TRMT11: variants seen among roughly 807,000 people sequenced by gnomAD.
TRMT11 encodes tRNA (guanine(10)-N(2))-methyltransferase TRMT11.
In TRMT11, 53 loss-of-function variants were observed where a neutral mutation model predicts 62.8. The ratio of observed to expected loss-of-function variants is 0.84; its 90% CI spans 0.68 to 1.06. The LOEUF is 1.06. Among genes scored for constraint, TRMT11 ranks in the 50% least tolerant of loss-of-function variants. TRMT11 has a pLI of 0.00. For synonymous variants in TRMT11, 188 were observed against 190.3 expected, an observed-to-expected ratio of 0.99 and a Z score of 0.10; for missense variants, 556 against 553.4, an observed-to-expected ratio of 1.00 and a Z score of -0.05.
Position 126,124,419 on chromosome 6 carries a change from G to A in TRMT11, c.*1823+8564G>A, listed in dbSNP as rs1290856474. 2.6e-5 allele frequency among the ~76,000 whole-genome samples: 4 copies of A among 152,130 alleles called. No homozygotes were observed. The East Asian group carries it at 7.8e-4, about 29-fold the overall frequency. Reference sequence around the variant, plus strand: ...TTTTTTAGTGCAGGTGTCATAGATTGCAATAACAGCACCAATTCTGCATGC... The same window carrying A: ...TTTTTTAGTGCAGGTGTCATAGATTACAATAACAGCACCAATTCTGCATGC... On this transcript the variant is annotated intron_variant and NMD_transcript_variant, in intron 21 of 22. Transcript: ENST00000648977.
chr6:126,045,595 T>C (rs568917798), intron 16 of TRMT11, among the ~76,000 whole-genome samples: 81 of 152,136 alleles, frequency 5.3e-4, no homozygotes, highest in Non-Finnish European at 1.0e-3. Context: ...ACCCAAATGG[T>C]TCCTTGTTTT....
intron 17 of TRMT11, among the ~76,000 whole-genome samples, chr6:126,061,241 A>G (rs58280253): frequency 0.056 from 8,584 of 152,234 alleles, 792 homozygotes; most frequent in African/African-American, 0.19. Flanking sequence ...TTATTTTAAC[A>G]AGATGCCCGG....
chr6:126,058,971 T>C (rs1467562672), intron 17 of TRMT11, among the ~76,000 whole-genome samples: 2 of 152,146 alleles, frequency 1.3e-5, no homozygotes, highest in African/African-American at 2.4e-5. Flanking sequence ...TTTGAGATTA[T>C]TCTCTTGTAT....
At chr6:126,036,559 G>C (rs1775232533) in intron 12 of TRMT11, among the ~76,000 whole-genome samples, 3 of 152,026 alleles carry the variant, frequency 2.0e-5, no homozygotes, top group Admixed American at 6.6e-5. Flanking sequence ...TTTGACGCAG[G>C]TTTCTGATTT....
chr6:126,028,069 TTC>T (rs1355969486), intron 12 of TRMT11, among the ~76,000 whole-genome samples: 2 of 152,176 alleles, frequency 1.3e-5, no homozygotes, highest in Non-Finnish European at 2.9e-5. Context: ...ACATTATCCT[TTC>T]TCAGGATTAA....
chr6:126,157,370 A>C (rs1778133966), intron 21 of TRMT11, among the ~76,000 whole-genome samples: 1 of 152,208 alleles, frequency 6.6e-6, no homozygotes, highest in Non-Finnish European at 1.5e-5. Context: ...GCTTTGGAGA[A>C]TTTCAATAGA....
At chr6:126,054,963 G>A (rs1288583032) in intron 17 of TRMT11, among the ~76,000 whole-genome samples, 6 of 152,092 alleles carry the variant, frequency 3.9e-5, no homozygotes, top group Admixed American at 2.0e-4. Flanking sequence ...ATATGCTGAC[G>A]AACATTTTTG....
chr6:126,234,643 A>T, the TRMT11 span, among the ~76,000 whole-genome samples: 1 of 152,214 alleles, frequency 6.6e-6, no homozygotes, highest in Admixed American at 6.6e-5. Flanking sequence ...GCATACTGGG[A>T]TATGTTTATA....
intron 1 of TRMT11, among the ~76,000 whole-genome samples, chr6:126,194,168 G>T (rs558308517): frequency 1.3e-5 from 2 of 152,282 alleles, no homozygotes; most frequent in South Asian, 4.1e-4. Flanking sequence ...AGGTCTATTT[G>T]ATCTAGAGTA....
chr6:126,125,314 C>CA (rs1777704139), intron 21 of TRMT11, among the ~76,000 whole-genome samples: 1 of 151,978 alleles, frequency 6.6e-6, no homozygotes, highest in African/African-American at 2.4e-5. Flanking sequence ...TGTGCTTTTA[C>CA]ATTCCATGTT....
chr6:126,003,070 A>T (rs1040482419), intron 7 of TRMT11, among the ~76,000 whole-genome samples: 1 of 152,118 alleles, frequency 6.6e-6, no homozygotes, highest in African/African-American at 2.4e-5. Context: ...ATAGTTGGAC[A>T]TCGGTAGTTT....
chr6:126,200,816 G>A (rs912493321), intron 3 of TRMT11, among the ~76,000 whole-genome samples: 1 of 152,176 alleles, frequency 6.6e-6, no homozygotes, highest in Non-Finnish European at 1.5e-5. Flanking sequence ...GCCTCCCAAA[G>A]TGCTGGGATT....
At chr6:125,990,693 T>G (rs1790461301) in intron 1 of TRMT11, among the ~76,000 whole-genome samples, 1 of 152,220 alleles carries the variant, frequency 6.6e-6, no homozygotes, top group Admixed American at 6.5e-5. Context: ...GAAGTTGAAT[T>G]CCTGTCATTG....
chr6:126,111,715 G>A (rs1777534174), intron 17 of TRMT11, among the ~76,000 whole-genome samples: 2 of 152,054 alleles, frequency 1.3e-5, no homozygotes, highest in Admixed American at 6.6e-5. Flanking sequence ...GAGTGAGTAG[G>A]GCTTTCCCAG....
chr6:126,136,057 T>G (rs1374589768), intron 21 of TRMT11, among the ~76,000 whole-genome samples: 1 of 151,768 alleles, frequency 6.6e-6, no homozygotes, highest in Non-Finnish European at 1.5e-5. Context: ...ATTGAAAGCC[T>G]TTCTACAAAG....
At chr6:125,994,901 T>C (rs887169099) in intron 2 of TRMT11, among the ~76,000 whole-genome samples, 3 of 152,196 alleles carry the variant, frequency 2.0e-5, no homozygotes, top group Non-Finnish European at 2.9e-5. Context: ...CACCACGTGT[T>C]CTCACTTATA....
intron 21 of TRMT11, among the ~76,000 whole-genome samples, chr6:126,123,901 G>C (rs1281887440): frequency 6.6e-6 from 1 of 151,630 alleles, no homozygotes; most frequent in African/African-American, 2.4e-5. Context: ...TGTACTTTTT[G>C]AGTTTTTTTA....
At chr6:126,158,948 T>A (rs2128227230) in intron 21 of TRMT11, among the ~76,000 whole-genome samples, 1 of 152,310 alleles carries the variant, frequency 6.6e-6, no homozygotes, top group Non-Finnish European at 1.5e-5. Context: ...CCTTTGGTGA[T>A]GTCTTCTTTA....
intron 6 of TRMT11, 136 bp downstream of exon 6, chr6:125,998,820 G>A (rs1792027921): frequency 2.5e-6 from 2 of 788,208 alleles, no homozygotes; most frequent in Non-Finnish European, 3.9e-6. Flanking sequence ...TTGGTGAAGA[G>A]TATGTGATTA....
Sources: gnomAD v4.1 joint callset for allele counts (sites outside exome capture counted in the v4.1 genomes callset) on GRCh38, gnomAD v4.1.1 for gene constraint, MANE v1.5 for transcripts, NCBI Gene and HGNC (gene_info 2026-07-23, HGNC 2026-07-21) for gene names.